Variants in TLL2 observed in about 807,000 individuals in gnomAD.
The protein encoded by TLL2 is tolloid-like protein 2.
Under a neutral mutation model 123.0 loss-of-function variants are expected in TLL2, and 106 were observed. The observed-to-expected ratio is 0.86, with a 90% CI of 0.74 to 1.01. TLL2 has a LOEUF of 1.01. TLL2 is among the 50% of genes least tolerant of loss of function. The probability of loss-of-function intolerance (pLI) is 0.00; values close to 1 mark genes in which losing one functional copy is unlikely to be tolerated. For synonymous variants in TLL2, 494 were observed against 516.8 expected, an observed-to-expected ratio of 0.96 and a Z score of 0.60; for missense variants, 1,332 against 1,336.7, an observed-to-expected ratio of 1.00 and a Z score of 0.06.
chr10:96,450,798 T>C (rs4486553), intron 2 of TLL2, among the ~76,000 whole-genome samples: 99,407 of 151,468 alleles, frequency 0.66, 32,851 homozygotes, highest in East Asian at 0.88. Context: ...GAGGGGAGAG[T>C]TTTCAGGGTA....
chr10:96,479,141 T>C (rs908356760), intron 2 of TLL2, among the ~76,000 whole-genome samples: 1 of 152,166 alleles, frequency 6.6e-6, no homozygotes, highest in Non-Finnish European at 1.5e-5. Context: ...GAAAACTCCA[T>C]TTAAAATGTG....
chr10:96,414,476 TCCAGG>T (rs1487651205), intron 7 of TLL2, among the ~76,000 whole-genome samples: 1 of 151,850 alleles, frequency 6.6e-6, no homozygotes, highest in Admixed American at 6.6e-5. Context: ...TCTCCCTGGG[TCCAGG>T]CCATGGCTCT....
intron 7 of TLL2, among the ~76,000 whole-genome samples, chr10:96,419,989 C>A (rs1846603436): frequency 6.6e-6 from 1 of 152,212 alleles, no homozygotes; most frequent in African/African-American, 2.4e-5. Context: ...GAGCACTAAA[C>A]TTATTCTGGG....
intron 1 of TLL2, among the ~76,000 whole-genome samples, chr10:96,490,376 G>A (rs530144915): frequency 1.2e-4 from 18 of 152,252 alleles, no homozygotes; most frequent in East Asian, 1.9e-4. Flanking sequence ...TGAGAACAGC[G>A]GAGAAAAAGA....
chr10:96,495,692 G>A (rs921859363), intron 1 of TLL2, among the ~76,000 whole-genome samples: 2 of 152,070 alleles, frequency 1.3e-5, no homozygotes, highest in Admixed American at 1.3e-4. Flanking sequence ...GGAGGGGAGA[G>A]GTTCGGGCTC....
chr10:96,421,858 A>G (rs188899794), intron 6 of TLL2, among the ~76,000 whole-genome samples: 12 of 151,450 alleles, frequency 7.9e-5, no homozygotes, highest in Middle Eastern at 3.4e-3. Flanking sequence ...CAAAAAAAAC[A>G]AAACAAACAA....
Position 96,467,292 on chromosome 10 carries a change from T to C in TLL2, c.286+13057A>G, listed in dbSNP as rs571952629. On this transcript the variant is annotated intron_variant, in intron 2 of 20. Transcript: ENST00000357947. Reference sequence around the variant, plus strand: ...GAAATCCCAGGCTCAAGCACAATCATAGCTCACCATACAGCCTGGAAATCC... The same window carrying C: ...GAAATCCCAGGCTCAAGCACAATCACAGCTCACCATACAGCCTGGAAATCC... Among the ~76,000 whole-genome samples, 10 of 152,186 alleles carry C rather than the reference T, an allele frequency of 6.6e-5. No homozygotes were observed. The East Asian group carries it at 1.7e-3, about 26-fold the overall frequency.
Position 96,366,308 on chromosome 10 carries a change from C to T in TLL2, c.*1780G>A, listed in dbSNP as rs1260558506. The T allele has an allele frequency of 1.3e-5, 2 of 152,584 alleles. No homozygotes were observed. Among genetic ancestry groups the T allele is most frequent in the East Asian group, 1.9e-4 (1 of 5,190 alleles). 9.5% of individuals were successfully genotyped at this position (152,584 alleles called of 1,614,324 possible). A position where few individuals can be genotyped will look rare whatever the true frequency, so the allele number is the denominator to read the frequency against. ...GCCTCAGTCCAGGGCCGAGAAAGGC[C>T]AAAACAGAGCTTGGTGAAAGGAGAG... On this transcript the variant is annotated 3_prime_UTR_variant, in exon 21 of 21. Transcript: ENST00000357947.
intron 13 of TLL2, among the ~76,000 whole-genome samples, chr10:96,389,705 A>G (rs1368871295): frequency 6.6e-6 from 1 of 152,228 alleles, no homozygotes; most frequent in East Asian, 1.9e-4. Context: ...TAGGCAGGAC[A>G]CACAGGCAAG....
At chr10:96,423,334 T>A (rs1309137647) in intron 5 of TLL2, among the ~76,000 whole-genome samples, 1 of 152,040 alleles carries the variant, frequency 6.6e-6, no homozygotes, top group Non-Finnish European at 1.5e-5. Flanking sequence ...CCCCTCCACC[T>A]GCAAGGTGCT....
At chr10:96,388,366 A>C (rs979154301) in intron 13 of TLL2, among the ~76,000 whole-genome samples, 1 of 152,182 alleles carries the variant, frequency 6.6e-6, no homozygotes, top group Non-Finnish European at 1.5e-5. Context: ...GCGCCACTGC[A>C]CTCCAGCCTG....
intron 2 of TLL2, among the ~76,000 whole-genome samples, chr10:96,446,825 C>T (rs1050811107): frequency 2.0e-5 from 3 of 152,160 alleles, no homozygotes; most frequent in Non-Finnish European, 4.4e-5. Context: ...GGCCAATCAC[C>T]AAATATCTGT....
At chr10:96,396,068 C>A (rs1846337014) in intron 11 of TLL2, 48 bp from the exon 12 acceptor site, 1 of 1,595,350 alleles carries the variant, frequency 6.3e-7, no homozygotes, top group Non-Finnish European at 8.6e-7. Context: ...CTGGTCAGAT[C>A]TTACTTAGGA....
In TLL2 at chr10:96,476,240, A is replaced by ATT. The variant is rs1554939630; in HGVS notation, c.286+4107_286+4108dup. 3.9e-4 allele frequency among the ~76,000 whole-genome samples: 8 copies of ATT among 20,502 alleles called. 1 individual carries two copies. Among genetic ancestry groups the ATT allele is most frequent in the Non-Finnish European group, 6.0e-4 (6 of 10,018 alleles). 13.5% of individuals were successfully genotyped at this position (20,502 alleles called of 152,430 possible). On this transcript the variant is annotated intron_variant, in intron 2 of 20. Coordinates refer to ENST00000357947, the MANE Select transcript of TLL2 (RefSeq NM_012465.4). Reference sequence around the variant, plus strand: ...TTTATATGTATATATATATATATATATTTTATTTTTGTTGTTGTTGTTGTT... The same window carrying ATT: ...TTTATATGTATATATATATATATATATTTTTTATTTTTGTTGTTGTTGTTGTT...
At position 96,366,073 on chromosome 10, in the gene TLL2, A is replaced by G. The variant is rs1846022883; in HGVS notation, c.*2015T>C. ...TTATTTCCTTGGAGAAAGAACCATAACACCCATCTTAGGTTTCCCAGTTCC... is the reference window on the plus strand; with the variant it reads ...TTATTTCCTTGGAGAAAGAACCATAGCACCCATCTTAGGTTTCCCAGTTCC... On this transcript the variant is annotated 3_prime_UTR_variant, in exon 21 of 21. Transcript: ENST00000357947. 1 of 152,216 alleles carries G rather than the reference A, an allele frequency of 6.6e-6. No individual in the cohort carries two copies. Among genetic ancestry groups the G allele is most frequent in the Non-Finnish European group, 1.5e-5 (1 of 68,042 alleles). 9.4% of individuals were successfully genotyped at this position (152,216 alleles called of 1,614,324 possible).
At chr10:96,461,043 G>C (rs1205589016) in intron 2 of TLL2, among the ~76,000 whole-genome samples, 1 of 152,174 alleles carries the variant, frequency 6.6e-6, no homozygotes, top group Non-Finnish European at 1.5e-5. Context: ...AACTAAGAGA[G>C]TAGATAATCA....
At chr10:96,497,386 C>T (rs956582156) in intron 1 of TLL2, among the ~76,000 whole-genome samples, 7 of 152,172 alleles carry the variant, frequency 4.6e-5, no homozygotes, top group African/African-American at 1.4e-4. Context: ...CTACGACTAA[C>T]GTTATACTTT....
chr10:96,396,662 A>G (rs1179822747), intron 11 of TLL2, among the ~76,000 whole-genome samples: 8 of 150,772 alleles, frequency 5.3e-5, no homozygotes, highest in African/African-American at 2.0e-4. Context: ...AAGAAATAGA[A>G]GCACCATCAC....
chr10:96,493,775 G>A (rs10786296), intron 1 of TLL2, among the ~76,000 whole-genome samples: 38,176 of 151,934 alleles, frequency 0.25, 5,681 homozygotes, highest in South Asian at 0.41. Context: ...AGCATCCAGC[G>A]CAGGGCCTGG....
Sources: allele counts gnomAD v4.1 joint callset (sites outside exome capture counted in the v4.1 genomes callset), GRCh38; gene constraint gnomAD v4.1.1; transcripts MANE v1.5; gene names NCBI Gene and HGNC (gene_info 2026-07-23, HGNC 2026-07-21).